The following HIVEP1 variants were observed in gnomAD, a reference collection of about 807,000 sequenced individuals.
HIVEP1 encodes the protein HIVEP zinc finger 1, also known as zinc finger protein 40.
Under a neutral mutation model 180.0 loss-of-function variants are expected in HIVEP1, and 36 were observed. The observed-to-expected ratio is 0.20, with a 90% confidence interval of 0.15 to 0.26. HIVEP1 has a LOEUF of 0.26. Among genes scored for constraint, HIVEP1 ranks in the 10% least tolerant of loss-of-function variants. The pLI is 1.00. For missense variants in HIVEP1, 3,143 were observed against 3,268.7 expected, an observed-to-expected ratio of 0.96 and a Z score of 0.94; for synonymous variants, 1,239 against 1,239.0, an observed-to-expected ratio of 1.00 and a Z score of 0.00.
At chr6:12,088,127 G>A (rs1773223380) in intron 2 of HIVEP1, among the ~76,000 whole-genome samples, 1 of 152,138 alleles carries the variant, frequency 6.6e-6, no homozygotes, top group Non-Finnish European at 1.5e-5. Context: ...ATCAGAGTTT[G>A]AAGGGCCCAT....
chr6:12,071,377 A>ATAG (rs1284951776), intron 2 of HIVEP1, among the ~76,000 whole-genome samples: 1 of 152,106 alleles, frequency 6.6e-6, no homozygotes, highest in Admixed American at 6.6e-5. Flanking sequence ...CGCTCTCCTG[A>ATAG]TATACTAACT....
At chr6:12,191,350 G>C in the HIVEP1 span, among the ~76,000 whole-genome samples, 53 of 152,300 alleles carry the variant, frequency 3.5e-4, no homozygotes, top group Admixed American at 2.3e-3. Context: ...AGCACTTTGG[G>C]AGGCCTAGGT....
chr6:12,135,031 A>C (rs1393958926), intron 6 of HIVEP1, among the ~76,000 whole-genome samples: 1 of 152,234 alleles, frequency 6.6e-6, no homozygotes, highest in Non-Finnish European at 1.5e-5. Flanking sequence ...CATGGTGAAC[A>C]GATACTAACA....
the HIVEP1 span, among the ~76,000 whole-genome samples, chr6:12,196,079 T>C: frequency 3.9e-5 from 6 of 152,230 alleles, no homozygotes; most frequent in African/African-American, 1.2e-4. Context: ...CTGGTCCCTA[T>C]TGATGTCAAA....
intron 2 of HIVEP1, among the ~76,000 whole-genome samples, chr6:12,045,446 G>A (rs965198529): frequency 6.6e-6 from 1 of 152,186 alleles, no homozygotes; most frequent in Admixed American, 6.5e-5. Context: ...CTCATGAGTT[G>A]GGCACATTTT....
At chr6:12,196,657 C>T in the HIVEP1 span, among the ~76,000 whole-genome samples, 1 of 152,274 alleles carries the variant, frequency 6.6e-6, no homozygotes, top group South Asian at 2.1e-4. Flanking sequence ...CATTTGCGAC[C>T]CCAGTTACAG....
In HIVEP1 at chr6:12,123,214, A is replaced by G. The variant is rs376351349; in HGVS notation, c.3419A>G (p.Asn1140Ser). ...GTGISVIQHTNSLSRPNSFDK... is the reference protein window; with the variant it reads ...GTGISVIQHTSSLSRPNSFDK... ...GGAATCTCTGTCATCCAGCACACCA[A>G]CTCCCTGAGCAGGCCCAACTCATTT... The change falls in exon 4 of 9, where the codon AAC (asparagine) becomes AGC (serine). Residue 1140 changes from asparagine to serine, a missense_variant. Asn to Ser is a conservative substitution (Grantham distance 46, BLOSUM62 1). Coordinates refer to ENST00000379388, the MANE Select transcript of HIVEP1 (RefSeq NM_002114.4). 3.7e-5 allele frequency: 59 copies of G among 1,613,780 alleles called. No homozygotes were observed. The highest frequency in any genetic ancestry group is 8.9e-5 in the East Asian group (4 of 44,888).
intron 7 of HIVEP1, among the ~76,000 whole-genome samples, chr6:12,157,022 G>A (rs1760100482): frequency 1.3e-5 from 2 of 152,026 alleles, no homozygotes; most frequent in Admixed American, 1.3e-4. Context: ...ACTTAGGATT[G>A]TTATGTTCAT....
chr6:12,119,790 G>A (rs912039303), intron 3 of HIVEP1, 100 bp from the exon 4 acceptor site: 3 of 723,342 alleles, frequency 4.1e-6, no homozygotes, highest in Admixed American at 2.8e-5. Context: ...TTCTTCACTT[G>A]TCATAATGTC....
chr6:12,066,743 G>C (rs6458056), intron 2 of HIVEP1, among the ~76,000 whole-genome samples: 32,678 of 152,028 alleles, frequency 0.21, 4,220 homozygotes, highest in Middle Eastern at 0.32. Context: ...TTTAATGTAT[G>C]ATGGGCCCAA....
At chr6:12,181,957 G>A in the HIVEP1 span, among the ~76,000 whole-genome samples, 39 of 152,272 alleles carry the variant, frequency 2.6e-4, no homozygotes, top group Non-Finnish European at 5.0e-4. Flanking sequence ...AGAGTGATCA[G>A]AGCCGAGATA....
chr6:12,076,909 G>T (rs576574033), intron 2 of HIVEP1, among the ~76,000 whole-genome samples: 1 of 152,076 alleles, frequency 6.6e-6, no homozygotes, highest in Admixed American at 6.5e-5. Flanking sequence ...GCTACTTAAC[G>T]TTACATGAGA....
chr6:12,030,973 A>G (rs553621983), intron 2 of HIVEP1, among the ~76,000 whole-genome samples: 3 of 151,924 alleles, frequency 2.0e-5, no homozygotes, highest in Admixed American at 1.3e-4. Context: ...TGTGAAGGCT[A>G]TTTCTCTCAT....
At chr6:12,029,282 T>G (rs1189466026) in intron 2 of HIVEP1, among the ~76,000 whole-genome samples, 1 of 152,228 alleles carries the variant, frequency 6.6e-6, no homozygotes, top group Non-Finnish European at 1.5e-5. Flanking sequence ...GCATGTGTGT[T>G]CCTGTTCTTT....
Position 12,063,507 on chromosome 6 carries a change from G to C in HIVEP1, c.41-25677G>C, listed in dbSNP as rs1486024610. ...AGGGAGGAGCTGGCTCATGTTGGCA[G>C]GTGTGGCTGCACGTGGAAGGTGGGT... On this transcript the variant is annotated intron_variant, in intron 2 of 8. Transcript: ENST00000379388. The surrounding 1 kb of genome is among the most constrained non-coding windows in gnomAD (Gnocchi z 4.2). 6.6e-6 allele frequency among the ~76,000 whole-genome samples: 1 copy of C among 152,160 alleles called. No individual in the cohort carries two copies. Among genetic ancestry groups the C allele is most frequent in the Non-Finnish European group, 1.5e-5 (1 of 68,022 alleles).
intron 4 of HIVEP1, among the ~76,000 whole-genome samples, chr6:12,128,120 T>C (rs1758203571): frequency 6.6e-6 from 1 of 152,226 alleles, no homozygotes; most frequent in African/African-American, 2.4e-5. Flanking sequence ...AAGCCAGATT[T>C]AATAGTACGA....
chr6:12,036,429 C>T (rs1769280609), intron 2 of HIVEP1, among the ~76,000 whole-genome samples: 2 of 152,186 alleles, frequency 1.3e-5, no homozygotes, highest in Admixed American at 6.5e-5. Flanking sequence ...GTTAGGGTGA[C>T]AGCAACATGA....
intron 2 of HIVEP1, among the ~76,000 whole-genome samples, chr6:12,072,135 G>A (rs549788081): frequency 2.0e-5 from 3 of 151,308 alleles, no homozygotes; most frequent in South Asian, 2.1e-4. Flanking sequence ...CAGAAACAGC[G>A]ATAGGCTGAA....
intron 2 of HIVEP1, among the ~76,000 whole-genome samples, chr6:12,061,063 T>C (rs1771196356): frequency 6.6e-6 from 1 of 152,024 alleles, no homozygotes; most frequent in Admixed American, 6.6e-5. Flanking sequence ...GGAGCTCAGG[T>C]GTGCCGCGGC....
Sources: gnomAD v4.1 joint callset for allele counts (sites outside exome capture counted in the v4.1 genomes callset) on GRCh38, gnomAD v4.1.1 for gene constraint, Gnocchi (gnomAD v3.1) non-coding constraint, MANE v1.5 for transcripts, NCBI Gene and HGNC (gene_info 2026-07-23, HGNC 2026-07-21) for gene names.